CTNNBIP1: variants seen among roughly 807,000 people sequenced by gnomAD.
The protein encoded by CTNNBIP1 is catenin beta interacting protein 1, also known as beta-catenin-interacting protein 1.
A neutral mutation model predicts 11.8 loss-of-function variants in CTNNBIP1; 7 were observed. The observed-to-expected ratio is 0.60, with a 90% CI of 0.34 to 1.12. The LOEUF (loss-of-function observed/expected upper bound fraction) is 1.12, where lower values mean the gene tolerates loss of function less well. CTNNBIP1 is among the 50% of genes most tolerant of loss of function. The probability of loss-of-function intolerance (pLI) is 0.03; values close to 1 mark genes in which losing one functional copy is unlikely to be tolerated. For synonymous variants in CTNNBIP1, 58 were observed against 43.9 expected (o/e 1.32, Z -1.26); for missense variants, 101 against 113.4 (o/e 0.89, Z 0.50).
At chr1:9,879,069 C>T (rs1480956639) in intron 2 of CTNNBIP1, among the ~76,000 whole-genome samples, 7 of 151,952 alleles carry the variant, frequency 4.6e-5, no homozygotes, top group East Asian at 1.9e-4. Context: ...TGGTGGCGGG[C>T]GCCTGTAATC....
chr1:9,895,053 G>A (rs1463064683), intron 1 of CTNNBIP1, among the ~76,000 whole-genome samples: 3 of 150,994 alleles, frequency 2.0e-5, no homozygotes, highest in Admixed American at 6.6e-5. Context: ...GACTACAGAC[G>A]CCCACCACCA....
At chr1:9,894,868 C>T (rs1639377131) in intron 1 of CTNNBIP1, among the ~76,000 whole-genome samples, 1 of 149,166 alleles carries the variant, frequency 6.7e-6, no homozygotes, top group African/African-American at 2.5e-5. Flanking sequence ...AGCCTCCTGA[C>T]TAGCTAGGAT....
At chr1:9,893,024 C>T (rs1157577565) in intron 1 of CTNNBIP1, 1 of 152,174 alleles carries the variant, frequency 6.6e-6, no homozygotes, top group Non-Finnish European at 1.5e-5. Flanking sequence ...GAAACGGTAT[C>T]GGGACAAAAA....
At position 9,867,780 on chromosome 1, in the gene CTNNBIP1, A is replaced by G; in HGVS notation, c.187+3407T>C. ...CCTGCCCCAGTCCCTGGAGACAACA[A>G]TCCAGGGCTTCTTCCACCTAAGCAG... On this transcript the variant is annotated intron_variant, in intron 5 of 5. Transcript: ENST00000377263. This position sits in a 1 kb window ranked among gnomAD's most constrained non-coding sequence, Gnocchi z 4.6. Among the ~76,000 whole-genome samples the G allele has an allele frequency of 6.6e-6, 1 of 152,156 alleles. No individual in the cohort carries two copies. The highest frequency in any genetic ancestry group is 2.4e-5 in the African/African-American group (1 of 41,432).
chr1:9,908,304 G>A (rs1386593340), intron 1 of CTNNBIP1, among the ~76,000 whole-genome samples: 2 of 150,576 alleles, frequency 1.3e-5, no homozygotes, highest in Non-Finnish European at 2.9e-5. Context: ...TGATCTGCCC[G>A]CCTTGGCCTC....
chr1:9,904,248 T>G (rs1205612090), intron 1 of CTNNBIP1, among the ~76,000 whole-genome samples: 1 of 152,184 alleles, frequency 6.6e-6, no homozygotes, highest in Non-Finnish European at 1.5e-5. Context: ...GAAAGTGACC[T>G]GCAACACAAG....
rs1638782199 is a variant in CTNNBIP1, at chr1:9,867,942, T to C, written c.187+3245A>G. On this transcript the variant is annotated intron_variant, in intron 5 of 5. Coordinates refer to ENST00000377263, the MANE Select transcript of CTNNBIP1 (RefSeq NM_020248.3). The surrounding 1 kb of genome is among the most constrained non-coding windows in gnomAD (Gnocchi z 4.6). ...GCAGATGCAGGGTCCTGCCCTCACATGGGTAAGCCCAGTATGGGACTGGGC... is the reference window on the plus strand; with the variant it reads ...GCAGATGCAGGGTCCTGCCCTCACACGGGTAAGCCCAGTATGGGACTGGGC... Among the ~76,000 whole-genome samples the C allele has an allele frequency of 6.6e-6, 1 of 152,178 alleles. No homozygotes were observed. The highest frequency in any genetic ancestry group is 6.5e-5 in the Admixed American group (1 of 15,286).
chr1:9,903,902 G>C (rs1165935638), intron 1 of CTNNBIP1, among the ~76,000 whole-genome samples: 2 of 152,174 alleles, frequency 1.3e-5, no homozygotes, highest in Non-Finnish European at 2.9e-5. Context: ...CTCTGCCTGG[G>C]AGTCATACTG....
chr1:9,860,450 A>AAAAAC, intron 5 of CTNNBIP1, among the ~76,000 whole-genome samples: 1 of 150,814 alleles, frequency 6.6e-6, no homozygotes, highest in Admixed American at 6.6e-5. Flanking sequence ...AAAAAAAAAA[A>AAAAAC]AAAACAAAAC....
intron 5 of CTNNBIP1, among the ~76,000 whole-genome samples, chr1:9,856,981 G>A (rs1427983888): frequency 6.6e-6 from 1 of 151,844 alleles, no homozygotes; most frequent in African/African-American, 2.4e-5. Flanking sequence ...AATTAGCAGG[G>A]TGTGGTGGCG....
chr1:9,890,797 A>G (rs1304461622), intron 1 of CTNNBIP1, among the ~76,000 whole-genome samples: 2 of 152,186 alleles, frequency 1.3e-5, no homozygotes, highest in East Asian at 3.9e-4. Context: ...CTGGAGGTAG[A>G]GGAACGCTTT....
At chr1:9,905,623 G>T (rs1639602558) in intron 1 of CTNNBIP1, among the ~76,000 whole-genome samples, 1 of 151,480 alleles carries the variant, frequency 6.6e-6, no homozygotes, top group Non-Finnish European at 1.5e-5. Flanking sequence ...GTAGAGACGG[G>T]GTTTCACCAT....
At chr1:9,855,725 C>CTTTTT (rs528824089) in intron 5 of CTNNBIP1, among the ~76,000 whole-genome samples, 2 of 133,762 alleles carry the variant, frequency 1.5e-5, no homozygotes, top group East Asian at 2.1e-4. Flanking sequence ...TTAGGAAATG[C>CTTTTT]TTTTTTTTTT....
chr1:9,857,139 A>C (rs1392356872), intron 5 of CTNNBIP1, among the ~76,000 whole-genome samples: 1 of 150,090 alleles, frequency 6.7e-6, no homozygotes, highest in Non-Finnish European at 1.5e-5. Context: ...AAACAAAACA[A>C]AACAAAAAAA....
chr1:9,906,874 A>T (rs1254091053), intron 1 of CTNNBIP1, among the ~76,000 whole-genome samples: 1 of 152,254 alleles, frequency 6.6e-6, no homozygotes, highest in Non-Finnish European at 1.5e-5. Flanking sequence ...CAGGGCGCTG[A>T]TTCAGACACT....
chr1:9,866,846 G>T (rs1638757486), intron 5 of CTNNBIP1, among the ~76,000 whole-genome samples: 1 of 152,058 alleles, frequency 6.6e-6, no homozygotes, highest in Non-Finnish European at 1.5e-5. Flanking sequence ...TATGGGCTCA[G>T]TCCAAGAGGG....
At chr1:9,887,789 C>A (rs889934808) in intron 1 of CTNNBIP1, among the ~76,000 whole-genome samples, 1 of 151,966 alleles carries the variant, frequency 6.6e-6, no homozygotes, top group Non-Finnish European at 1.5e-5. Flanking sequence ...GAGATTAATT[C>A]GAAAATAAGG....
intron 1 of CTNNBIP1, among the ~76,000 whole-genome samples, chr1:9,909,032 C>T (rs1338842483): frequency 6.6e-6 from 1 of 152,204 alleles, no homozygotes; most frequent in Non-Finnish European, 1.5e-5. Flanking sequence ...CTGCTGGTAT[C>T]TCTGGACATT....
chr1:9,895,464 C>T (rs1351583835), intron 1 of CTNNBIP1, among the ~76,000 whole-genome samples: 4 of 152,094 alleles, frequency 2.6e-5, no homozygotes, highest in African/African-American at 9.7e-5. Context: ...TCCCAAAGTG[C>T]TGGGATTACA....
Sources: allele counts gnomAD v4.1 joint callset (sites outside exome capture counted in the v4.1 genomes callset), GRCh38; gene constraint gnomAD v4.1.1; non-coding constraint Gnocchi (gnomAD v3.1); transcripts MANE v1.5; gene names NCBI Gene and HGNC (gene_info 2026-07-23, HGNC 2026-07-21).